SGCD: variants seen among roughly 807,000 people sequenced by gnomAD.
SGCD encodes the protein sarcoglycan delta.
SGCD carries 18 observed loss-of-function variants against 36.6 expected under a neutral mutation model. The observed-to-expected ratio is 0.49, with a 90% CI of 0.34 to 0.73. SGCD has a LOEUF of 0.73. SGCD is among the 30% of genes least tolerant of loss of function. SGCD has a pLI of 0.01. For synonymous variants in SGCD, 133 were observed against 130.6 expected (o/e 1.02, Z -0.12); for missense variants, 387 against 346.7 (o/e 1.12, Z -0.92).
At chr5:156,749,413 A>AGAT (rs1463118607) in intron 7 of SGCD, among the ~76,000 whole-genome samples, 2 of 152,172 alleles carry the variant, frequency 1.3e-5, no homozygotes, top group African/African-American at 4.8e-5. Context: ...GGGACAAGAC[A>AGAT]GATAAATTTA....
At chr5:156,521,768 A>G (rs535438636) in intron 4 of SGCD, among the ~76,000 whole-genome samples, 1 of 152,210 alleles carries the variant, frequency 6.6e-6, no homozygotes. Flanking sequence ...TAGTTTAACC[A>G]TTGTGAAAGA....
chr5:156,329,621 C>G, intron 2 of SGCD, 42 bp downstream of exon 2: 1 of 1,587,766 alleles, frequency 6.3e-7, no homozygotes, highest in Non-Finnish European at 8.6e-7. Context: ...AGGCCCTGCT[C>G]ATGGTCATTT....
intron 3 of SGCD, among the ~76,000 whole-genome samples, chr5:156,215,490 A>G (rs1447064601): frequency 6.6e-6 from 1 of 152,142 alleles, no homozygotes; most frequent in Non-Finnish European, 1.5e-5. Context: ...TAGCAAGAAG[A>G]CAAATAACCT....
At chr5:156,129,899 A>C (rs969306419) in intron 3 of SGCD, among the ~76,000 whole-genome samples, 3 of 152,178 alleles carry the variant, frequency 2.0e-5, no homozygotes, top group Non-Finnish European at 2.9e-5. Context: ...ATTGATGGGC[A>C]TTTAGGTTGA....
At chr5:155,984,894 A>G (rs768113876) in intron 1 of SGCD, among the ~76,000 whole-genome samples, 5 of 152,304 alleles carry the variant, frequency 3.3e-5, no homozygotes, top group African/African-American at 9.6e-5. Context: ...TCTGTCCCCA[A>G]CTGGACTAAA....
intron 6 of SGCD, among the ~76,000 whole-genome samples, chr5:156,620,395 A>T (rs1762197094): frequency 6.6e-6 from 1 of 152,242 alleles, no homozygotes; most frequent in Admixed American, 6.5e-5. Flanking sequence ...CAAATAAGTT[A>T]TATTCTTGTA....
chr5:156,526,585 T>C (rs1283316484), intron 4 of SGCD, among the ~76,000 whole-genome samples: 2 of 152,162 alleles, frequency 1.3e-5, no homozygotes, highest in Non-Finnish European at 2.9e-5. Context: ...TAGGCCTCTT[T>C]GCGTTTCTTT....
intron 6 of SGCD, among the ~76,000 whole-genome samples, chr5:156,599,328 G>A (rs1258382807): frequency 1.3e-5 from 2 of 151,868 alleles, no homozygotes; most frequent in Non-Finnish European, 2.9e-5. Flanking sequence ...CTGAGTGACC[G>A]TATTCAAGTA....
intron 3 of SGCD, among the ~76,000 whole-genome samples, chr5:156,432,941 G>A (rs1753084311): frequency 6.6e-6 from 1 of 152,148 alleles, no homozygotes; most frequent in Admixed American, 6.6e-5. Context: ...CTATATGCCT[G>A]TAATGCCAGG....
chr5:156,393,115 G>T lies in SGCD; in HGVS notation c.192+48438G>T, dbSNP rs1771669426. Among the ~76,000 whole-genome samples, 3 of 152,188 alleles carry T rather than the reference G, an allele frequency of 2.0e-5. No individual in the cohort carries two copies. The South Asian group carries it at 6.2e-4, about 32-fold the overall frequency. On this transcript the variant is annotated intron_variant, in intron 3 of 8. Transcript: ENST00000337851. The stretch of plus-strand genomic sequence containing the variant: ...CTGCCCCGCTTCCATATCATTTAAA[G>T]GGACCACGCCCTTCTCTTCTCAGCA...
intron 1 of SGCD, among the ~76,000 whole-genome samples, chr5:155,991,117 T>G (rs1758423883): frequency 6.6e-6 from 1 of 152,176 alleles, no homozygotes; most frequent in African/African-American, 2.4e-5. Flanking sequence ...CTCAAGTCAG[T>G]GAGATTATTC....
At chr5:155,908,787 T>C (rs926148358) in intron 1 of SGCD, among the ~76,000 whole-genome samples, 3 of 152,204 alleles carry the variant, frequency 2.0e-5, no homozygotes, top group African/African-American at 7.2e-5. Context: ...CCCAGGACTA[T>C]AACAAATTAA....
chr5:156,068,911 TA>T (rs1760436547), intron 1 of SGCD, among the ~76,000 whole-genome samples: 1 of 152,132 alleles, frequency 6.6e-6, no homozygotes, highest in African/African-American at 2.4e-5. Flanking sequence ...TTTGGCTGCG[TA>T]AATGTCTTCT....
intron 3 of SGCD, among the ~76,000 whole-genome samples, chr5:156,439,808 A>G (rs1753406067): frequency 6.6e-6 from 1 of 152,102 alleles, no homozygotes. Flanking sequence ...TTAGCCAGGA[A>G]TCCTTTATGT....
intron 3 of SGCD, among the ~76,000 whole-genome samples, chr5:156,217,485 G>A (rs369589107): frequency 3.3e-5 from 5 of 151,916 alleles, no homozygotes; most frequent in South Asian, 2.1e-4. Context: ...TTCTTTCTAC[G>A]GTTGATTTTC....
intron 7 of SGCD, among the ~76,000 whole-genome samples, chr5:156,755,321 ATAG>A (rs1757296001): frequency 6.6e-6 from 1 of 152,236 alleles, no homozygotes; most frequent in African/African-American, 2.4e-5. Flanking sequence ...AGCAGGAAGT[ATAG>A]TAAAAGCACA....
At chr5:156,224,465 CA>C (rs1299028513) in intron 3 of SGCD, among the ~76,000 whole-genome samples, 1 of 152,132 alleles carries the variant, frequency 6.6e-6, no homozygotes, top group Non-Finnish European at 1.5e-5. Context: ...TGTAGTGCTT[CA>C]ATCTATCGTT....
At chr5:156,627,710 G>A (rs1762485741) in intron 6 of SGCD, among the ~76,000 whole-genome samples, 1 of 152,066 alleles carries the variant, frequency 6.6e-6, no homozygotes, top group Non-Finnish European at 1.5e-5. Context: ...GGAAATCCAA[G>A]ACAAGAGCCT....
In SGCD at chr5:156,025,470, T is replaced by C. The variant is rs112782160; in HGVS notation, c.-281-92408T>C. 8.7e-4 allele frequency among the ~76,000 whole-genome samples: 132 copies of C among 152,346 alleles called. 1 individual carries two copies. The highest frequency in any genetic ancestry group is 2.9e-3 in the African/African-American group (119 of 41,588). On this transcript the variant is annotated intron_variant, in intron 1 of 9. Transcript: ENST00000517913. ...ATATTTTCATGTTTGCCAGACTTTG[T>C]TGGAGCTTTAGACCTGGTAACATAC... is the stretch of plus-strand genomic sequence containing the variant.
Sources: allele counts gnomAD v4.1 joint callset (sites outside exome capture counted in the v4.1 genomes callset), GRCh38; gene constraint gnomAD v4.1.1; transcripts MANE v1.5; gene names NCBI Gene and HGNC (gene_info 2026-07-23, HGNC 2026-07-21).